Variants in LRP12 observed in about 807,000 individuals in gnomAD.
The protein encoded by LRP12 is low-density lipoprotein receptor-related protein 12.
LRP12 carries 14 observed loss-of-function variants against 66.0 expected under a neutral mutation model. That is an observed-to-expected ratio of 0.21 (90% confidence interval 0.14 to 0.33). The LOEUF is 0.33. Ranked by LOEUF, LRP12 falls within the 10% of genes least tolerant of loss-of-function variation. The pLI is 1.00. For missense variants in LRP12, 889 were observed against 1,053.4 expected (o/e 0.84, Z 2.16); for synonymous variants, 357 against 359.1 (o/e 0.99, Z 0.07).
intron 2 of LRP12, among the ~76,000 whole-genome samples, chr8:104,512,261 A>T (rs535500086): frequency 3.5e-4 from 53 of 152,238 alleles, no homozygotes; most frequent in Middle Eastern, 3.4e-3. Flanking sequence ...AGGCTGCAGT[A>T]AGCTGAGATC....
At chr8:104,537,481 C>A (rs1490638200) in intron 1 of LRP12, among the ~76,000 whole-genome samples, 1 of 152,092 alleles carries the variant, frequency 6.6e-6, no homozygotes, top group African/African-American at 2.4e-5. Context: ...CGCTAAAGTT[C>A]TGACCAGCAA....
intron 2 of LRP12, among the ~76,000 whole-genome samples, chr8:104,509,714 G>T (rs867242772): frequency 6.6e-6 from 1 of 152,180 alleles, no homozygotes; most frequent in Non-Finnish European, 1.5e-5. Flanking sequence ...AAAAAAAATC[G>T]TATGCTGAGG....
chr8:104,558,385 G>C (rs1192184737), intron 1 of LRP12, among the ~76,000 whole-genome samples: 2 of 152,118 alleles, frequency 1.3e-5, no homozygotes, highest in Non-Finnish European at 2.9e-5. Flanking sequence ...AATGATGCTG[G>C]GATAATTGGG....
At position 104,502,377 on chromosome 8, in the gene LRP12, G is replaced by A. The variant is rs559190653; in HGVS notation, c.273-2858C>T. ...GTTACTTTCCAGCAGGTTCCTTGGA[G>A]TCTTCTTTAAGCACACACAATTCAT... is the stretch of plus-strand genomic sequence containing the variant. On this transcript the variant is annotated intron_variant, in intron 3 of 6. Coordinates refer to ENST00000276654, the MANE Select transcript of LRP12 (RefSeq NM_013437.5). Among the ~76,000 whole-genome samples the A allele has an allele frequency of 5.9e-5, 9 of 152,324 alleles. No individual in the cohort carries two copies. In the East Asian group the frequency reaches 1.7e-3, roughly 29 times the overall value.
chr8:104,532,005 A>G, intron 1 of LRP12, 42 bp from the exon 2 acceptor site: 1 of 1,372,162 alleles, frequency 7.3e-7, no homozygotes, highest in African/African-American at 1.5e-5. Flanking sequence ...CCAAGATAAA[A>G]TTACAAAATT....
At chr8:104,493,616 C>T (rs1810672920) in intron 6 of LRP12, among the ~76,000 whole-genome samples, 1 of 152,212 alleles carries the variant, frequency 6.6e-6, no homozygotes, top group African/African-American at 2.4e-5. Flanking sequence ...TGAACCACAC[C>T]AACAGTGTCA....
chr8:104,549,923 C>T (rs1385216425), intron 1 of LRP12, among the ~76,000 whole-genome samples: 1 of 152,190 alleles, frequency 6.6e-6, no homozygotes, highest in Admixed American at 6.5e-5. Context: ...AATCGCCTCT[C>T]TTTCCAACTA....
chr8:104,562,110 GACTT>G (rs1811919854), intron 1 of LRP12, among the ~76,000 whole-genome samples: 1 of 152,104 alleles, frequency 6.6e-6, no homozygotes, highest in Admixed American at 6.6e-5. Context: ...CTAACTGTGT[GACTT>G]TAAGAAAATT....
At chr8:104,552,796 T>C (rs765442886) in intron 1 of LRP12, among the ~76,000 whole-genome samples, 1 of 152,108 alleles carries the variant, frequency 6.6e-6, no homozygotes, top group Non-Finnish European at 1.5e-5. Flanking sequence ...GAGACCCATG[T>C]CATGAACTTT....
At chr8:104,528,125 C>G (rs1173160528) in intron 2 of LRP12, among the ~76,000 whole-genome samples, 4 of 152,094 alleles carry the variant, frequency 2.6e-5, no homozygotes, top group Admixed American at 6.6e-5. Flanking sequence ...AAATAAATTA[C>G]CTGATAACAC....
Position 104,578,244 on chromosome 8 carries a change from C to T in LRP12, c.79+10575G>A, listed in dbSNP as rs573514826. Among the ~76,000 whole-genome samples the T allele has an allele frequency of 1.5e-4, 23 of 151,826 alleles. No homozygotes were observed. The South Asian group carries it at 4.8e-3, about 32-fold the overall frequency. The stretch of plus-strand genomic sequence containing the variant: ...ACAGACCCCACAGAAATACAATCAT[C>T]AGAGAATGTTGCAAACACCTGTATG... On this transcript the variant is annotated intron_variant, in intron 1 of 6. Transcript: ENST00000276654.
At chr8:104,518,920 G>A (rs565401581) in intron 2 of LRP12, among the ~76,000 whole-genome samples, 66 of 152,098 alleles carry the variant, frequency 4.3e-4, no homozygotes, top group African/African-American at 1.5e-3. Context: ...GGACAGTCTG[G>A]AAAGCATGCA....
chr8:104,553,181 T>C lies in LRP12; in HGVS notation c.80-21218A>G, dbSNP rs536691892. On this transcript the variant is annotated intron_variant, in intron 1 of 6. Transcript: ENST00000276654. ...ACCACAGGGAGAAGGAAACTTCCAG[T>C]TGAACTTTGTAACAATTTCAACTGA... is the stretch of plus-strand genomic sequence containing the variant. Among the ~76,000 whole-genome samples the C allele has an allele frequency of 9.1e-4, 138 of 152,236 alleles. 2 individuals are homozygous for C. The Middle Eastern group carries it at 0.034, about 38-fold the overall frequency.
intron 1 of LRP12, among the ~76,000 whole-genome samples, chr8:104,582,380 TAAA>T (rs146844169): frequency 6.8e-6 from 1 of 147,364 alleles, no homozygotes; most frequent in Non-Finnish European, 1.5e-5. Flanking sequence ...AGCTACACAA[TAAA>T]AAAAAAAGAT....
intron 1 of LRP12, among the ~76,000 whole-genome samples, chr8:104,561,156 C>T (rs559264578): frequency 6.6e-6 from 1 of 152,206 alleles, no homozygotes; most frequent in African/African-American, 2.4e-5. Context: ...AACAAAACAA[C>T]GTTATTTGAA....
At chr8:104,565,348 A>G (rs1290840311) in intron 1 of LRP12, among the ~76,000 whole-genome samples, 1 of 152,218 alleles carries the variant, frequency 6.6e-6, no homozygotes, top group Non-Finnish European at 1.5e-5. Context: ...TGAAAACTGT[A>G]AACTCCAAAT....
At chr8:104,507,835 T>C (rs1005450569) in intron 3 of LRP12, 2 of 152,158 alleles carry the variant, frequency 1.3e-5, no homozygotes, top group Admixed American at 6.5e-5. Flanking sequence ...TGGCCCTTGT[T>C]TGTGGTTTCC....
chr8:104,554,235 A>G (rs2140882723), intron 1 of LRP12, among the ~76,000 whole-genome samples: 1 of 152,296 alleles, frequency 6.6e-6, no homozygotes, highest in East Asian at 1.9e-4. Context: ...CCCCCAAAAG[A>G]TCACACTAGC....
chr8:104,583,432 T>C (rs1291619296), intron 1 of LRP12, among the ~76,000 whole-genome samples: 4 of 152,190 alleles, frequency 2.6e-5, no homozygotes, highest in Admixed American at 2.6e-4. Context: ...CATAACACAG[T>C]TAGCTATGCT....
Sources: allele counts gnomAD v4.1 joint callset (sites outside exome capture counted in the v4.1 genomes callset), GRCh38; gene constraint gnomAD v4.1.1; transcripts MANE v1.5; gene names NCBI Gene and HGNC (gene_info 2026-07-23, HGNC 2026-07-21).